STAT4: variants seen among roughly 807,000 people sequenced by gnomAD.
STAT4 encodes the protein signal transducer and activator of transcription 4.
In STAT4, 42 loss-of-function variants were observed where a neutral mutation model predicts 110.5. The ratio of observed to expected loss-of-function variants is 0.38; its 90% CI spans 0.30 to 0.49. STAT4 has a LOEUF of 0.49. Among genes scored for constraint, STAT4 ranks in the 20% least tolerant of loss-of-function variants. STAT4 has a pLI of 0.95. For synonymous variants in STAT4, 284 were observed against 302.2 expected (o/e 0.94, Z 0.63); for missense variants, 632 against 887.9 (o/e 0.71, Z 3.66).
intron 14 of STAT4, chr2:191,041,831 C>T (rs1696206897): frequency 6.6e-6 from 1 of 152,278 alleles, no homozygotes; most frequent in African/African-American, 2.4e-5. Flanking sequence ...GTGAGGTCTC[C>T]ACCCCTCCAG....
At chr2:191,064,620 C>T (rs1696936238) in intron 8 of STAT4, among the ~76,000 whole-genome samples, 187 bp downstream of exon 8, 1 of 152,178 alleles carries the variant, frequency 6.6e-6, no homozygotes, top group Non-Finnish European at 1.5e-5. Flanking sequence ...TTGATTTCCC[C>T]ATGAGAATGA....
At chr2:191,038,834 G>A (rs1317537449) in intron 16 of STAT4, among the ~76,000 whole-genome samples, 2 of 152,208 alleles carry the variant, frequency 1.3e-5, no homozygotes, top group African/African-American at 4.8e-5. Context: ...CTTTGTAGAA[G>A]AGACTGCATG....
At position 191,146,621 on chromosome 2, in the gene STAT4, C is replaced by A; in HGVS notation, c.265G>T (p.Val89Phe). Residue 89 changes from valine (V) to phenylalanine (F), a missense_variant, in exon 3 of 24, where the codon GTC becomes TTC. By Grantham distance (50) the Val-to-Phe change is conservative (BLOSUM62 -1). Around this residue, in one of 4 missense-constraint regions of STAT4, gnomAD observed 488 missense variants for 632.8 expected, o/e 0.77. Transcript: ENST00000392320. The surrounding 1 kb of genome is among the most constrained non-coding windows in gnomAD (Gnocchi z 4.5). ...GTAGAATGCATTCTTACCTGAAGGA[C>A]CTTCCTAATTCTTTTTAGATTGTGT... ...LIHNLKRIRKVLQGKFHGNPM... is the reference protein window; with the variant it reads ...LIHNLKRIRKFLQGKFHGNPM... 6.5e-7 allele frequency: 1 copy of A among 1,530,080 alleles called. No homozygotes were observed. The highest frequency in any genetic ancestry group is 8.8e-7 in the Non-Finnish European group (1 of 1,140,472). The allele number at this position is 1,530,080 out of a possible 1,614,324, so 94.8% of individuals were successfully genotyped here.
rs1180587051 is a variant in STAT4, at chr2:191,140,646, A to C, written c.273+5967T>G. 6.6e-6 allele frequency among the ~76,000 whole-genome samples: 1 copy of C among 152,244 alleles called. No homozygotes were observed. On this transcript the variant is annotated intron_variant, in intron 3 of 23. Transcript: ENST00000392320. The surrounding 1 kb of genome is among the most constrained non-coding windows in gnomAD (Gnocchi z 4.4). ...GAACACTGTTAGACTGCTGATGGGA[A>C]TGTAAACTAGTACAACCACCATGGA...
chr2:191,045,970 C>G (rs760544281), intron 14 of STAT4, among the ~76,000 whole-genome samples: 1 of 152,174 alleles, frequency 6.6e-6, no homozygotes, highest in African/African-American at 2.4e-5. Context: ...GCGCTTGAGA[C>G]GGACTAGTTG....
Position 191,035,513 on chromosome 2 carries a change from A to G in STAT4, c.1570+651T>C, listed in dbSNP as rs1696019855. On this transcript the variant is annotated intron_variant, in intron 17 of 23. Transcript: ENST00000392320. The surrounding 1 kb of genome is among the most constrained non-coding windows in gnomAD (Gnocchi z 4.7). ...TTTAACTCTTTTTTTGGTGTTAAAT[A>G]TGTTAAACCCTGACTTGTCAAAATA... 1.3e-5 allele frequency among the ~76,000 whole-genome samples: 2 copies of G among 152,242 alleles called. No individual in the cohort carries two copies. Among genetic ancestry groups the G allele is most frequent in the African/African-American group, 4.8e-5 (2 of 41,464 alleles).
Position 191,029,983 on chromosome 2 carries a change from C to T in STAT4, c.2221-117G>A, listed in dbSNP as rs529079562. The T allele has an allele frequency of 7.8e-4, 633 of 807,896 alleles. 2 individuals carry two copies. The Middle Eastern group carries it at 9.6e-3, about 12-fold the overall frequency. The allele number at this position is 807,896 out of a possible 1,614,324, so 50.0% of individuals were successfully genotyped here. A position where few individuals can be genotyped will look rare whatever the true frequency, so the allele number is the denominator to read the frequency against. ...GAATTACTCCATAATTTTTCTATTA[C>T]CTAGTTAAAATACTTAAACTAAGTA... On this transcript the variant is annotated intron_variant, in intron 23 of 23. Coordinates refer to ENST00000392320, the MANE Select transcript of STAT4 (RefSeq NM_003151.4). This position sits in a 1 kb window ranked among gnomAD's most constrained non-coding sequence, Gnocchi z 4.5.
At chr2:191,126,246 A>C (rs1698876027) in intron 3 of STAT4, among the ~76,000 whole-genome samples, 1 of 152,224 alleles carries the variant, frequency 6.6e-6, no homozygotes, top group African/African-American at 2.4e-5. Flanking sequence ...TAAGGTAAAA[A>C]GTCTTGTGAG....
In STAT4 at chr2:191,030,715, G is replaced by T; in HGVS notation, c.2220+257C>A. The T allele has an allele frequency of 5.1e-6, 2 of 388,754 alleles. No homozygotes were observed. The highest frequency in any genetic ancestry group is 9.7e-6 in the Non-Finnish European group (2 of 207,108). The allele number at this position is 388,754 out of a possible 1,614,324, so 24.1% of individuals were successfully genotyped here. A position where few individuals can be genotyped will look rare whatever the true frequency, so the allele number is the denominator to read the frequency against. On this transcript the variant is annotated intron_variant, in intron 23 of 23. Transcript: ENST00000392320. The surrounding 1 kb of genome is among the most constrained non-coding windows in gnomAD (Gnocchi z 4.4). ...GATAGTGTGCTTGAGTAGGGTATAG[G>T]AATATTTTGCCCTCTGGTGGTTTCT...
Position 191,037,005 on chromosome 2 carries a change from T to A in STAT4, c.1435-706A>T, listed in dbSNP as rs1274595241. 6.6e-6 allele frequency among the ~76,000 whole-genome samples: 1 copy of A among 152,240 alleles called. No homozygotes were observed. Among genetic ancestry groups the A allele is most frequent in the Non-Finnish European group, 1.5e-5 (1 of 68,050 alleles). ...AATATAATCAGGGCTCCATCTTTCT[T>A]CAGAAGCATCGCTTGACATCTCTTT... On this transcript the variant is annotated intron_variant, in intron 16 of 23. Transcript: ENST00000392320. The surrounding 1 kb of genome is among the most constrained non-coding windows in gnomAD (Gnocchi z 4.8).
At chr2:191,121,126 C>T (rs1420021059) in intron 3 of STAT4, among the ~76,000 whole-genome samples, 1 of 152,210 alleles carries the variant, frequency 6.6e-6, no homozygotes, top group Non-Finnish European at 1.5e-5. Flanking sequence ...TGAACAGACA[C>T]TTCTCAAAAG....
rs1254743514 is a variant in STAT4 at position 191,101,319 on chromosome 2, T to C, written c.274-24994A>G. Among the ~76,000 whole-genome samples, 4 of 152,206 alleles carry C rather than the reference T, an allele frequency of 2.6e-5. No individual in the cohort carries two copies. In the East Asian group the frequency reaches 7.7e-4, roughly 29 times the overall value. ...GTGTGCATTTTTATAAACACTTATG[T>C]ACACTTTAAAAATAAAATTCAGAGC... On this transcript the variant is annotated intron_variant, in intron 3 of 23. Coordinates refer to ENST00000392320, the MANE Select transcript of STAT4 (RefSeq NM_003151.4).
chr2:191,121,469 A>G (rs1480117801), intron 3 of STAT4, among the ~76,000 whole-genome samples: 10 of 152,196 alleles, frequency 6.6e-5, no homozygotes, highest in African/African-American at 2.2e-4. Context: ...AGACACATGC[A>G]CACGTATGTT....
Position 191,031,351 on chromosome 2 carries a change from A to C in STAT4, c.2111+99T>G, listed in dbSNP as rs1462348678. ...AAGGAAATGGGACATTGCACATTAC[A>C]ATGCTTTGTTCTCAGTTATGTGTAC... is the stretch of plus-strand genomic sequence containing the variant. On this transcript the variant is annotated intron_variant, in intron 22 of 23. Coordinates refer to ENST00000392320, the MANE Select transcript of STAT4 (RefSeq NM_003151.4). The surrounding 1 kb of genome is among the most constrained non-coding windows in gnomAD (Gnocchi z 4.8). 6 of 1,237,514 alleles carry C rather than the reference A, an allele frequency of 4.8e-6. No individual in the cohort carries two copies. The East Asian group carries it at 1.2e-4, about 25-fold the overall frequency. The allele number at this position is 1,237,514 out of a possible 1,614,324, so 76.7% of individuals were successfully genotyped here. A position where few individuals can be genotyped will look rare whatever the true frequency, so the allele number is the denominator to read the frequency against.
rs1464057024 is a variant in STAT4 at position 191,030,897 on chromosome 2, C to T, written c.2220+75G>A. ...TCTCCCTACCCAGGCAGTATTTCAG[C>T]CCCTTTGATTCACACACCACCTTTG... On this transcript the variant is annotated intron_variant, in intron 23 of 23. Transcript: ENST00000392320. The surrounding 1 kb of genome is among the most constrained non-coding windows in gnomAD (Gnocchi z 4.4). 2 of 1,350,870 alleles carry T rather than the reference C, an allele frequency of 1.5e-6. No homozygotes were observed. Among genetic ancestry groups the T allele is most frequent in the Non-Finnish European group, 2.1e-6 (2 of 945,280 alleles). 83.7% of individuals were successfully genotyped at this position (1,350,870 alleles called of 1,614,324 possible).
chr2:191,073,180 T>A lies in STAT4; in HGVS notation c.383A>T (p.Glu128Val), dbSNP rs140675301. 1.5e-3 allele frequency: 2,451 copies of A among 1,613,890 alleles called. 4 individuals are homozygous for A. The highest frequency in any genetic ancestry group is 1.9e-3 in the Non-Finnish European group (2,208 of 1,179,864). ...AACTGAAGAACTTTGTAAGGATTTC[T>A]CTAGAGGCCCCTGGAAAAAGAATGT... ...AANMPVQGPL[E>V]KSLQSSSVSE... The change falls in exon 5 of 24, where the codon GAG becomes GTG. Residue 128 changes from glutamate to valine, a missense_variant. Transcript: ENST00000392320.
Position 191,150,583 on chromosome 2 carries a change from G to T in STAT4, c.-2+364C>A, listed in dbSNP as rs956825044. 6.6e-6 allele frequency among the ~76,000 whole-genome samples: 1 copy of T among 152,180 alleles called. No individual in the cohort carries two copies. Among genetic ancestry groups the T allele is most frequent in the Admixed American group, 6.5e-5 (1 of 15,278 alleles). On this transcript the variant is annotated intron_variant, in intron 1 of 23. Transcript: ENST00000392320. The surrounding 1 kb of genome is among the most constrained non-coding windows in gnomAD (Gnocchi z 6.4). ...CTGCAAGCTTTTTTCTGAAATCCAG[G>T]TACGCTAATCTAAAGTCAGACATCA...
At position 191,041,090 on chromosome 2, in the gene STAT4, A is replaced by T; in HGVS notation, c.1310T>A (p.Leu437His). Residue 437 changes from leucine (L) to histidine (H), a missense_variant, in exon 15 of 24, where the codon CTC becomes CAC. Leu to His is a moderately conservative substitution (Grantham distance 99, BLOSUM62 -3). This residue lies in a region of STAT4 where 488 missense variants were observed against 632.8 expected (regional missense o/e 0.77). Coordinates refer to ENST00000392320, the MANE Select transcript of STAT4 (RefSeq NM_003151.4). The stretch of plus-strand genomic sequence containing the variant: ...CTCCAAATCTATGGTCAGGCCATAG[A>T]GGCAGATCTGTGTTTCAAACGTTAT... ...HSITFETQIC[L>H]YGLTIDLETS... 1 of 1,497,534 alleles carries T rather than the reference A, an allele frequency of 6.7e-7. No homozygotes were observed. Among genetic ancestry groups the T allele is most frequent in the Non-Finnish European group, 8.9e-7 (1 of 1,119,090 alleles). 92.8% of individuals were successfully genotyped at this position (1,497,534 alleles called of 1,614,324 possible).
Position 191,148,165 on chromosome 2 carries a change from C to G in STAT4, c.39G>C (p.Lys13Asn). 6.2e-7 allele frequency: 1 copy of G among 1,613,798 alleles called. No homozygotes were observed. Among genetic ancestry groups the G allele is most frequent in the East Asian group, 2.2e-5 (1 of 44,848 alleles). ...AGAATTGATCCACCTGCTCCAAAAA[C>G]TTGATTTCTAACTGTTGGACTTGAT... ...QWNQVQQLEI[K>N]FLEQVDQFYD... The change falls in exon 2 of 24, where the codon AAG becomes AAC. Residue 13 changes from lysine (K) to asparagine (N), a missense_variant. Coordinates refer to ENST00000392320, the MANE Select transcript of STAT4 (RefSeq NM_003151.4).
Sources: gnomAD v4.1 joint callset for allele counts (sites outside exome capture counted in the v4.1 genomes callset) on GRCh38, gnomAD v4.1.1 for gene constraint, gnomAD v4.1.1 regional missense constraint, Gnocchi (gnomAD v3.1) non-coding constraint, MANE v1.5 for transcripts, NCBI Gene and HGNC (gene_info 2026-07-23, HGNC 2026-07-21) for gene names.